Variants in WNT3 observed in about 807,000 individuals in gnomAD.
WNT3 encodes proto-oncogene Wnt-3.
A neutral mutation model predicts 34.2 loss-of-function variants in WNT3; 7 were observed. That is an observed-to-expected ratio of 0.20 (90% confidence interval 0.12 to 0.38). The LOEUF is 0.38. WNT3 is among the 10% of genes least tolerant of loss of function. The pLI is 1.00. For missense variants in WNT3, 267 were observed against 499.8 expected, an observed-to-expected ratio of 0.53 and a Z score of 4.44; for synonymous variants, 212 against 211.5, an observed-to-expected ratio of 1.00 and a Z score of -0.02.
At chr17:46,767,877 C>T (rs1053909388) in intron 4 of WNT3, among the ~76,000 whole-genome samples, 1 of 152,052 alleles carries the variant, frequency 6.6e-6, no homozygotes, top group African/African-American at 2.4e-5. Context: ...CAACCTCTGT[C>T]GCCCAGGTTC....
At chr17:46,788,567 T>C (rs1381149195) in intron 1 of WNT3, among the ~76,000 whole-genome samples, 1 of 152,360 alleles carries the variant, frequency 6.6e-6, no homozygotes, top group African/African-American at 2.4e-5. Flanking sequence ...CCAATTCAAA[T>C]TGTTCCCTCT....
chr17:46,781,455 T>C (rs1208268034), intron 1 of WNT3, among the ~76,000 whole-genome samples: 1 of 148,230 alleles, frequency 6.7e-6, no homozygotes, highest in South Asian at 2.1e-4. Context: ...AGCTACAACA[T>C]AGAAGAAACT....
chr17:46,813,395 C>A (rs776501642), intron 1 of WNT3, among the ~76,000 whole-genome samples: 2 of 148,662 alleles, frequency 1.3e-5, no homozygotes, highest in Non-Finnish European at 3.0e-5. Context: ...CTCCATCTCC[C>A]CACTCTCACC....
At chr17:46,776,637 G>A (rs2059414780) in intron 1 of WNT3, among the ~76,000 whole-genome samples, 1 of 152,060 alleles carries the variant, frequency 6.6e-6, no homozygotes, top group Non-Finnish European at 1.5e-5. Flanking sequence ...CAGCCCTGCT[G>A]TGCCAGCTGC....
chr17:46,779,103 A>ACACACACACACACACCCCCC (rs749719578), intron 1 of WNT3, among the ~76,000 whole-genome samples: 11 of 133,660 alleles, frequency 8.2e-5, no homozygotes, highest in Admixed American at 1.6e-4. Context: ...ACACACACAC[A>ACACACACACACACACCCCCC]CCCCAGCCCA....
chr17:46,797,167 T>C (rs2084064639), intron 1 of WNT3, among the ~76,000 whole-genome samples: 1 of 152,196 alleles, frequency 6.6e-6, no homozygotes, highest in Non-Finnish European at 1.5e-5. Flanking sequence ...GGCTCCAAGT[T>C]GCCTGTGGCG....
chr17:46,812,980 G>A (rs2084295727), intron 1 of WNT3, among the ~76,000 whole-genome samples: 1 of 152,134 alleles, frequency 6.6e-6, no homozygotes, highest in African/African-American at 2.4e-5. Context: ...ACTTGCCCTA[G>A]TTACCCAGGT....
chr17:46,795,726 G>C (rs1039207916), intron 1 of WNT3, among the ~76,000 whole-genome samples: 4 of 152,202 alleles, frequency 2.6e-5, no homozygotes, highest in African/African-American at 9.6e-5. Context: ...CTGCCGCTGT[G>C]CAGTCTCAAA....
intron 1 of WNT3, among the ~76,000 whole-genome samples, chr17:46,800,078 G>A (rs2084105032): frequency 6.6e-6 from 1 of 152,090 alleles, no homozygotes; most frequent in Admixed American, 6.6e-5. Flanking sequence ...GAAGGAGTCT[G>A]ATTCCTGGGC....
At chr17:46,780,257 GACTGTGCTGCCAGGGACACCC>G (rs2059449490) in intron 1 of WNT3, among the ~76,000 whole-genome samples, 1 of 152,182 alleles carries the variant, frequency 6.6e-6, no homozygotes, top group South Asian at 2.1e-4. Context: ...ATGGGGGTCT[GACTGTGCTGCCAGGGACACCC>G]ACTGTGCTGC....
At chr17:46,817,577 A>T (rs1224244983) in intron 1 of WNT3, among the ~76,000 whole-genome samples, 1 of 152,022 alleles carries the variant, frequency 6.6e-6, no homozygotes, top group African/African-American at 2.4e-5. Flanking sequence ...GGACTCCTGG[A>T]GCTGGGGCTC....
At chr17:46,811,642 G>A (rs1224667881) in intron 1 of WNT3, among the ~76,000 whole-genome samples, 4 of 152,160 alleles carry the variant, frequency 2.6e-5, no homozygotes, top group African/African-American at 9.7e-5. Context: ...GGAGAGCGTG[G>A]AGTTGCCTCT....
At chr17:46,782,134 C>T (rs1012165961) in intron 1 of WNT3, among the ~76,000 whole-genome samples, 1 of 152,216 alleles carries the variant, frequency 6.6e-6, no homozygotes, top group Non-Finnish European at 1.5e-5. Flanking sequence ...CCAAGTCTCC[C>T]CAAGTCATGC....
chr17:46,815,485 G>T (rs2084329221), intron 1 of WNT3, among the ~76,000 whole-genome samples: 1 of 152,146 alleles, frequency 6.6e-6, no homozygotes, highest in Non-Finnish European at 1.5e-5. Flanking sequence ...AGCTGGGTGG[G>T]CCAAAGAGGG....
chr17:46,777,465 C>T (rs1482860675), intron 1 of WNT3, among the ~76,000 whole-genome samples: 1 of 152,258 alleles, frequency 6.6e-6, no homozygotes. Flanking sequence ...TGGCACACTG[C>T]CTGCATGGCT....
intron 1 of WNT3, among the ~76,000 whole-genome samples, chr17:46,792,748 A>C (rs1344189842): frequency 6.6e-6 from 1 of 152,228 alleles, no homozygotes; most frequent in Non-Finnish European, 1.5e-5. Flanking sequence ...CTGGGACTAC[A>C]GGTGTGAGCC....
chr17:46,808,641 A>G (rs1043475212), intron 1 of WNT3, among the ~76,000 whole-genome samples: 2 of 152,202 alleles, frequency 1.3e-5, no homozygotes, highest in Admixed American at 6.5e-5. Flanking sequence ...CACATAGCAC[A>G]TGGTCAACAA....
At chr17:46,806,631 A>G (rs2084201129) in intron 1 of WNT3, among the ~76,000 whole-genome samples, 1 of 152,262 alleles carries the variant, frequency 6.6e-6, no homozygotes, top group African/African-American at 2.4e-5. Context: ...GAAAGGCTCC[A>G]GAATCCCCTA....
intron 1 of WNT3, among the ~76,000 whole-genome samples, chr17:46,817,631 C>G (rs2084370087): frequency 7.0e-6 from 1 of 142,732 alleles, no homozygotes; most frequent in African/African-American, 2.5e-5. Context: ...CAGACACGCA[C>G]AGCCCCCCCC....
Sources: allele counts gnomAD v4.1 joint callset (sites outside exome capture counted in the v4.1 genomes callset), GRCh38; gene constraint gnomAD v4.1.1; transcripts MANE v1.5; gene names NCBI Gene and HGNC (gene_info 2026-07-23, HGNC 2026-07-21).